SYNE2: variants seen among roughly 807,000 people sequenced by gnomAD.
SYNE2 encodes the protein nesprin-2.
SYNE2 carries 431 observed loss-of-function variants against 856.3 expected under a neutral mutation model. The observed-to-expected ratio is 0.50, with a 90% CI of 0.47 to 0.55. The LOEUF (loss-of-function observed/expected upper bound fraction) is 0.55. Ranked by LOEUF, SYNE2 falls within the 20% of genes least tolerant of loss-of-function variation. The probability of loss-of-function intolerance (pLI) is 0.00; values close to 1 mark genes in which losing one functional copy is unlikely to be tolerated. For synonymous variants in SYNE2, 2,923 were observed against 2,872.3 expected (o/e 1.02, Z -0.56); for missense variants, 8,129 against 8,023.2 (o/e 1.01, Z -0.50).
intron 1 of SYNE2, among the ~76,000 whole-genome samples, chr14:63,861,006 T>A (rs1893447217): frequency 6.6e-6 from 1 of 152,140 alleles, no homozygotes; most frequent in East Asian, 1.9e-4. Context: ...GCAATCTGTG[T>A]TTAATAAGCC....
intron 96 of SYNE2, among the ~76,000 whole-genome samples, chr14:64,181,115 T>C (rs2098456029): frequency 6.6e-6 from 1 of 152,124 alleles, no homozygotes; most frequent in African/African-American, 2.4e-5. Context: ...TTTTTTCCTA[T>C]TTTTCCTACA....
At chr14:64,024,878 A>G in intron 39 of SYNE2, 34 bp from the exon 40 acceptor site, 1 of 1,612,752 alleles carries the variant, frequency 6.2e-7, no homozygotes, top group Non-Finnish European at 8.5e-7. Flanking sequence ...CTTTTTGCTT[A>G]TTTTGTATTT....
intron 83 of SYNE2, 131 bp downstream of exon 83, chr14:64,144,079 A>T: frequency 9.4e-7 from 1 of 1,068,572 alleles, no homozygotes; most frequent in Non-Finnish European, 1.4e-6. Context: ...TAGCCCTTTT[A>T]TAAATCCTAT....
Position 64,170,354 on chromosome 14 carries a change from G to A in SYNE2, c.17127G>A (p.Val5709=), listed in dbSNP as rs1214071978. The A allele has an allele frequency of 1.9e-6, 3 of 1,613,996 alleles. No homozygotes were observed. The highest frequency in any genetic ancestry group is 2.5e-6 in the Non-Finnish European group (3 of 1,180,028). ...VRQWQDFTTS[V]ENLFRFLTDT... ...AGTGGCAAGATTTCACTACTTCTGTGGAGAACTTGTTTCGCTTCCTCACTG... is the reference window on the plus strand; with the variant it reads ...AGTGGCAAGATTTCACTACTTCTGTAGAGAACTTGTTTCGCTTCCTCACTG... The change falls in exon 94 of 116, where the codon GTG becomes GTA. Residue 5709 remains valine, a synonymous_variant. Coordinates refer to ENST00000555002, the MANE Select transcript of SYNE2 (RefSeq NM_182914.3).
chr14:64,177,681 G>A (rs565313242), intron 96 of SYNE2, among the ~76,000 whole-genome samples, 198 bp downstream of exon 96: 3 of 152,278 alleles, frequency 2.0e-5, no homozygotes, highest in South Asian at 2.1e-4. Context: ...GTTTGAAGAC[G>A]AGAAAGACTT....
At chr14:64,028,142 T>C (rs932465271) in intron 43 of SYNE2, among the ~76,000 whole-genome samples, 1 of 152,056 alleles carries the variant, frequency 6.6e-6, no homozygotes, top group Non-Finnish European at 1.5e-5. Flanking sequence ...TGGGCTCAAG[T>C]GATCCTCCCG....
chr14:63,998,336 C>A lies in SYNE2; in HGVS notation c.3353+8C>A. ...AAATAGTTTACTAGAGAGGTAAACT[C>A]TTTTTAAAAACAACTGGAAAATCCA... On this transcript the variant is annotated splice_region_variant and intron_variant, in intron 26 of 115. Transcript: ENST00000555002. The A allele has an allele frequency of 6.4e-7, 1 of 1,558,216 alleles. No individual in the cohort carries two copies. Among genetic ancestry groups the A allele is most frequent in the Non-Finnish European group, 8.9e-7 (1 of 1,129,300 alleles).
At chr14:63,886,708 G>C (rs1489098632) in intron 1 of SYNE2, among the ~76,000 whole-genome samples, 1 of 152,148 alleles carries the variant, frequency 6.6e-6, no homozygotes, top group Non-Finnish European at 1.5e-5. Context: ...TGCCCAGGCT[G>C]GAGTGTGGTG....
chr14:64,185,407 G>C (rs1369284213), intron 96 of SYNE2, among the ~76,000 whole-genome samples: 1 of 151,154 alleles, frequency 6.6e-6, no homozygotes, highest in African/African-American at 2.4e-5. Flanking sequence ...TGTTCTGGTT[G>C]TTTCCTTTTA....
At chr14:64,140,589 A>T (rs1313045912) in intron 80 of SYNE2, among the ~76,000 whole-genome samples, 1 of 152,232 alleles carries the variant, frequency 6.6e-6, no homozygotes, top group Non-Finnish European at 1.5e-5. Context: ...GTCTCAAAAA[A>T]CTTGCACTGA....
chr14:63,944,595 C>T (rs1202199743), intron 6 of SYNE2, among the ~76,000 whole-genome samples: 1 of 138,216 alleles, frequency 7.2e-6, no homozygotes, highest in Non-Finnish European at 1.5e-5. Flanking sequence ...AGGATCTTGG[C>T]TCACTGCAAC....
intron 1 of SYNE2, among the ~76,000 whole-genome samples, chr14:63,774,468 CA>C (rs748830808): frequency 0.54 from 51,161 of 94,864 alleles, 9,823 homozygotes; most frequent in South Asian, 0.69. Flanking sequence ...GACTCCGTCT[CA>C]AAAAAAAAAA....
upstream of SYNE2, among the ~76,000 whole-genome samples, chr14:63,852,427 C>G (rs1222953983): frequency 2.0e-5 from 3 of 152,144 alleles, no homozygotes; most frequent in Non-Finnish European, 4.4e-5. Context: ...TGAGACAGCT[C>G]TCCACTTCCC....
At chr14:64,117,708 G>A (rs1014251889) in intron 66 of SYNE2, among the ~76,000 whole-genome samples, 6 of 152,216 alleles carry the variant, frequency 3.9e-5, no homozygotes, top group Admixed American at 6.5e-5. Flanking sequence ...ATCACATGAG[G>A]TTGGGTGTGG....
intron 1 of SYNE2, among the ~76,000 whole-genome samples, chr14:63,898,642 C>T (rs934150942): frequency 6.6e-6 from 1 of 152,020 alleles, no homozygotes; most frequent in African/African-American, 2.4e-5. Context: ...TGGCCTCAAG[C>T]GATTCGCCCA....
intron 1 of SYNE2, among the ~76,000 whole-genome samples, chr14:63,799,764 A>G (rs1369310926): frequency 1.3e-5 from 2 of 152,196 alleles, no homozygotes; most frequent in Non-Finnish European, 2.9e-5. Flanking sequence ...TTTATTTGGT[A>G]AATTACTCAA....
intron 1 of SYNE2, among the ~76,000 whole-genome samples, chr14:63,875,302 A>G (rs902193120): frequency 6.6e-6 from 1 of 152,208 alleles, no homozygotes; most frequent in Non-Finnish European, 1.5e-5. Context: ...ATAATGCAGC[A>G]TGTGATATAG....
At chr14:63,960,588 T>A in intron 8 of SYNE2, 1 of 574,432 alleles carries the variant, frequency 1.7e-6, no homozygotes, top group South Asian at 2.2e-5. Context: ...TTAACTTAAT[T>A]AATAAATAAA....
chr14:64,192,709 T>G (rs1187954161), intron 99 of SYNE2, among the ~76,000 whole-genome samples: 2 of 152,202 alleles, frequency 1.3e-5, no homozygotes, highest in Non-Finnish European at 2.9e-5. Context: ...AACTGAGGAC[T>G]GAAGCTAAGC....
Sources: allele counts gnomAD v4.1 joint callset (sites outside exome capture counted in the v4.1 genomes callset), GRCh38; gene constraint gnomAD v4.1.1; transcripts MANE v1.5; gene names NCBI Gene and HGNC (gene_info 2026-07-23, HGNC 2026-07-21).